PIK3C2G: variants seen among roughly 807,000 people sequenced by gnomAD.
PIK3C2G encodes the protein phosphatidylinositol 3-kinase C2 domain-containing subunit gamma.
A neutral mutation model predicts 181.1 loss-of-function variants in PIK3C2G; 168 were observed. That is an observed-to-expected ratio of 0.93 (90% confidence interval 0.82 to 1.05). PIK3C2G has a LOEUF of 1.05. Among genes scored for constraint, PIK3C2G ranks in the 50% least tolerant of loss-of-function variants. PIK3C2G has a pLI of 0.00. For missense variants in PIK3C2G, 1,869 were observed against 1,732.8 expected (o/e 1.08, Z -1.40); for synonymous variants, 573 against 592.2 (o/e 0.97, Z 0.47).
At chr12:18,427,194 A>T (rs1428253271) in intron 18 of PIK3C2G, among the ~76,000 whole-genome samples, 3 of 151,874 alleles carry the variant, frequency 2.0e-5, no homozygotes, top group Admixed American at 6.6e-5. Flanking sequence ...AAAATATATA[A>T]AGTATAAAAT....
intron 30 of PIK3C2G, among the ~76,000 whole-genome samples, chr12:18,596,479 C>T (rs563450452): frequency 6.6e-6 from 1 of 151,876 alleles, no homozygotes; most frequent in Non-Finnish European, 1.5e-5. Flanking sequence ...CAAATAATAC[C>T]TCCACAAAAA....
chr12:18,295,771 G>A (rs549839615), intron 5 of PIK3C2G, among the ~76,000 whole-genome samples: 1 of 150,582 alleles, frequency 6.6e-6, no homozygotes, highest in South Asian at 2.1e-4. Context: ...TATTATTTAA[G>A]AGTAATAGCC....
intron 5 of PIK3C2G, among the ~76,000 whole-genome samples, chr12:18,295,062 C>CA: frequency 6.7e-6 from 1 of 149,526 alleles, no homozygotes; most frequent in Middle Eastern, 3.5e-3. Flanking sequence ...ATTTTAATAA[C>CA]AAAATATATT....
chr12:18,359,485 T>C (rs1453052216), intron 11 of PIK3C2G, among the ~76,000 whole-genome samples: 1 of 152,192 alleles, frequency 6.6e-6, no homozygotes. Flanking sequence ...CTCTGTTTAC[T>C]TACCTTCTGT....
chr12:18,563,964 T>TATATATA (rs1284608113), intron 28 of PIK3C2G, among the ~76,000 whole-genome samples: 1 of 149,988 alleles, frequency 6.7e-6, no homozygotes, highest in Non-Finnish European at 1.5e-5. Context: ...TATATATGCT[T>TATATATA]ATTATATATT....
At chr12:18,376,571 G>T (rs1289686691) in intron 13 of PIK3C2G, among the ~76,000 whole-genome samples, 2 of 152,182 alleles carry the variant, frequency 1.3e-5, no homozygotes, top group Non-Finnish European at 1.5e-5. Context: ...GAGAAGGCAT[G>T]ATTGTATTTT....
At chr12:18,511,929 T>A (rs1356450291) in intron 24 of PIK3C2G, among the ~76,000 whole-genome samples, 1 of 152,084 alleles carries the variant, frequency 6.6e-6, no homozygotes, top group Non-Finnish European at 1.5e-5. Context: ...TGTCTTCTTC[T>A]AGCAGTTTTA....
At chr12:18,466,530 A>G (rs917899214) in intron 18 of PIK3C2G, among the ~76,000 whole-genome samples, 2 of 151,938 alleles carry the variant, frequency 1.3e-5, no homozygotes, top group African/African-American at 4.8e-5. Flanking sequence ...TATACATTTT[A>G]AAGTTAATTT....
Position 18,371,310 on chromosome 12 carries a change from G to A in PIK3C2G, c.1879G>A (p.Glu627Lys). 2 of 1,604,322 alleles carry A rather than the reference G, an allele frequency of 1.2e-6. No individual in the cohort carries two copies. Among genetic ancestry groups the A allele is most frequent in the Non-Finnish European group, 1.7e-6 (2 of 1,175,992 alleles). The change falls in exon 13 of 33, where the codon GAA becomes AAA. Residue 627 changes from glutamate to lysine, a missense_variant and splice_region_variant. Physicochemically the swap from Glu to Lys is moderately conservative, Grantham distance 56. Coordinates refer to ENST00000538779, the MANE Select transcript of PIK3C2G (RefSeq NM_001288772.2). ...AWTCLPLFPK[E>K]KSILGSMLFS... ...GACTTGTCTTCCACTGTTTCCAAAAGAGTAAGTGTATCAATTGTGAGTAAT... is the reference window on the plus strand; with the variant it reads ...GACTTGTCTTCCACTGTTTCCAAAAAAGTAAGTGTATCAATTGTGAGTAAT...
chr12:18,290,605 A>G (rs1223100295), intron 3 of PIK3C2G, among the ~76,000 whole-genome samples: 2 of 152,198 alleles, frequency 1.3e-5, no homozygotes, highest in Non-Finnish European at 2.9e-5. Context: ...TAATTATTTC[A>G]AATGAGATGC....
At chr12:18,695,095 A>T in the PIK3C2G span, 1 of 1,608,028 alleles carries the variant, frequency 6.2e-7, no homozygotes, top group Non-Finnish European at 8.5e-7. Flanking sequence ...AGAAAGAAGT[A>T]TTTTGACATT....
chr12:18,471,731 T>C (rs145386978), intron 18 of PIK3C2G, among the ~76,000 whole-genome samples: 167 of 152,282 alleles, frequency 1.1e-3, no homozygotes, highest in Non-Finnish European at 2.2e-3. Context: ...AAATTTATAC[T>C]ATTATTTGAT....
Position 18,346,698 on chromosome 12 carries a change from T to C in PIK3C2G, c.1487T>C (p.Val496Ala), listed in dbSNP as rs764573135. ...ACATCCATCTACCAGCTAATCAATG[T>C]CTACTGTAACAGCTTTTATGCAGAT... ...LSTSIYQLINVYCNSFYADFQ... is the reference protein window; with the variant it reads ...LSTSIYQLINAYCNSFYADFQ... The change falls in exon 11 of 33, where the codon GTC becomes GCC. Residue 496 changes from valine (V) to alanine (A), a missense_variant. Transcript: ENST00000538779. 6 of 1,613,364 alleles carry C rather than the reference T, an allele frequency of 3.7e-6. No homozygotes were observed. The highest frequency in any genetic ancestry group is 5.1e-6 in the Non-Finnish European group (6 of 1,179,392).
At chr12:18,465,260 G>A (rs1157426656) in intron 18 of PIK3C2G, among the ~76,000 whole-genome samples, 1 of 151,890 alleles carries the variant, frequency 6.6e-6, no homozygotes, top group Non-Finnish European at 1.5e-5. Flanking sequence ...CCATCTTAGT[G>A]ACATTTAGTA....
chr12:18,249,680 T>C (rs1565521699), intron 1 of PIK3C2G, among the ~76,000 whole-genome samples: 1 of 152,136 alleles, frequency 6.6e-6, no homozygotes, highest in Non-Finnish European at 1.5e-5. Flanking sequence ...AGTTGTATGA[T>C]ACCATTAATA....
At chr12:18,282,990 A>G (rs981078234) in intron 2 of PIK3C2G, among the ~76,000 whole-genome samples, 5 of 152,118 alleles carry the variant, frequency 3.3e-5, no homozygotes, top group African/African-American at 1.2e-4. Flanking sequence ...AGTTTCATCA[A>G]AACTATTATA....
At chr12:18,677,161 G>C in the PIK3C2G span, among the ~76,000 whole-genome samples, 24 of 152,216 alleles carry the variant, frequency 1.6e-4, no homozygotes, top group Non-Finnish European at 2.8e-4. Context: ...ACAAGATACT[G>C]TCATATTCCA....
intron 16 of PIK3C2G, among the ~76,000 whole-genome samples, chr12:18,415,222 C>T (rs986176006): frequency 5.9e-5 from 9 of 152,176 alleles, no homozygotes; most frequent in African/African-American, 1.7e-4. Context: ...GAAAATCTAT[C>T]GGTGAGGTTT....
At chr12:18,381,537 G>A (rs1240124310) in intron 13 of PIK3C2G, among the ~76,000 whole-genome samples, 2 of 152,134 alleles carry the variant, frequency 1.3e-5, no homozygotes, top group Non-Finnish European at 1.5e-5. Flanking sequence ...TTTCTCATGT[G>A]CAAAATAAAT....
Sources: gnomAD v4.1 joint callset for allele counts (sites outside exome capture counted in the v4.1 genomes callset) on GRCh38, gnomAD v4.1.1 for gene constraint, MANE v1.5 for transcripts, NCBI Gene and HGNC (gene_info 2026-07-23, HGNC 2026-07-21) for gene names.